Variants in LRRC9 observed in about 807,000 individuals in gnomAD.
LRRC9 encodes leucine-rich repeat-containing protein 9.
LRRC9 carries 122 observed loss-of-function variants against 63.2 expected under a neutral mutation model. The observed-to-expected ratio is 1.93, with a 90% CI of 1.67 to 2.24. LRRC9 has a LOEUF of 2.24. Ranked by LOEUF, LRRC9 falls within the 30% of genes most tolerant of loss-of-function variation. The pLI is 0.00. For synonymous variants in LRRC9, 366 were observed against 213.1 expected (o/e 1.72, Z -6.25); for missense variants, 1,071 against 627.7 (o/e 1.71, Z -7.55).
At position 60,031,311 on chromosome 14, in the gene LRRC9, A is replaced by T. The variant is rs1240606945; in HGVS notation, c.3922-684A>T. ...GCTATATGTCCACTTGTAATTCCAC[A>T]AAGGAATACAGGCATGTCAATAACT... On this transcript the variant is annotated intron_variant, in intron 28 of 31. Transcript: ENST00000445360. This position sits in a 1 kb window ranked among gnomAD's most constrained non-coding sequence, Gnocchi z 4.6. Among the ~76,000 whole-genome samples, 4 of 152,110 alleles carry T rather than the reference A, an allele frequency of 2.6e-5. No individual in the cohort carries two copies. The highest frequency in any genetic ancestry group is 4.8e-5 in the African/African-American group (2 of 41,454).
intron 29 of LRRC9, among the ~76,000 whole-genome samples, chr14:60,047,030 G>A (rs566557198): frequency 6.6e-6 from 1 of 152,092 alleles, no homozygotes; most frequent in East Asian, 1.9e-4. Context: ...ATTGTGATTG[G>A]GAGTTCCATT....
At chr14:60,028,578 T>C (rs765537847) in intron 28 of LRRC9, among the ~76,000 whole-genome samples, 2 of 152,154 alleles carry the variant, frequency 1.3e-5, no homozygotes, top group African/African-American at 2.4e-5. Context: ...TAGTTTTACC[T>C]GCTTAGAATT....
At chr14:59,989,410 T>A (rs1887819009) in intron 17 of LRRC9, among the ~76,000 whole-genome samples, 1 of 152,122 alleles carries the variant, frequency 6.6e-6, no homozygotes, top group African/African-American at 2.4e-5. Context: ...CTTAAAAGTG[T>A]TATCTATTTT....
chr14:59,949,351 G>T (rs1882838133), intron 8 of LRRC9, among the ~76,000 whole-genome samples: 1 of 151,926 alleles, frequency 6.6e-6, no homozygotes, highest in Non-Finnish European at 1.5e-5. Context: ...GATCGGTGAT[G>T]ATATCCCCTT....
chr14:60,018,440 T>TA lies in LRRC9; in HGVS notation c.3388dup (p.Thr1130AsnfsTer11), dbSNP rs1890868500. ...ATGTGAATCTACAGAACAATCATCT[T>TA]ACCTCATTCAGTGGATTAATCTATC... On this transcript the variant is annotated frameshift_variant, in exon 25 of 32. Coordinates refer to ENST00000445360, the Ensembl canonical transcript of LRRC9. LOFTEE classifies it high-confidence loss of function. The TA allele has an allele frequency of 1.4e-6, 1 of 700,282 alleles. No homozygotes were observed. Among genetic ancestry groups the TA allele is most frequent in the African/African-American group, 1.8e-5 (1 of 57,138 alleles). The allele number at this position is 700,282 out of a possible 1,614,324, so 43.4% of individuals were successfully genotyped here.
At chr14:59,967,270 G>A (rs780554616) in intron 12 of LRRC9, 57 bp downstream of exon 12, 25 of 513,040 alleles carry the variant, frequency 4.9e-5, no homozygotes, top group African/African-American at 2.6e-4. Flanking sequence ...GAGCTCTGCC[G>A]CTGGTTAAGC....
intron 29 of LRRC9, among the ~76,000 whole-genome samples, chr14:60,043,756 C>CTTTTTTTTTTTTT (rs368065898): frequency 2.8e-5 from 2 of 71,574 alleles, no homozygotes; most frequent in African/African-American, 5.7e-5. Context: ...TTTTCTTTTC[C>CTTTTTTTTTTTTT]TTTTTTTTTT....
chr14:60,065,440 G>C (rs551463900), downstream of LRRC9, among the ~76,000 whole-genome samples: 40 of 148,046 alleles, frequency 2.7e-4, no homozygotes, highest in South Asian at 8.0e-3. Flanking sequence ...CTGAGGTCAG[G>C]AGTTCAAGAC....
At chr14:60,037,749 G>A (rs1479817955) in intron 29 of LRRC9, among the ~76,000 whole-genome samples, 2 of 152,146 alleles carry the variant, frequency 1.3e-5, no homozygotes, top group African/African-American at 4.8e-5. Flanking sequence ...TTCTTTCGCT[G>A]TGCAGAAGCT....
chr14:60,065,674 A>G (rs898353778), downstream of LRRC9, among the ~76,000 whole-genome samples: 21 of 144,858 alleles, frequency 1.4e-4, 1 homozygote, highest in African/African-American at 5.2e-4. Flanking sequence ...AAACTGTAAA[A>G]GAGAGTAAAC....
intron 12 of LRRC9, among the ~76,000 whole-genome samples, chr14:59,970,463 G>C (rs1885362943): frequency 6.6e-6 from 1 of 152,056 alleles, no homozygotes; most frequent in Non-Finnish European, 1.5e-5. Flanking sequence ...GGGATTGCTG[G>C]GTCAAATGGT....
At position 59,977,165 on chromosome 14, in the gene LRRC9, T is replaced by G; in HGVS notation, c.1640-60T>G. The G allele has an allele frequency of 4.8e-6, 3 of 629,050 alleles. No individual in the cohort carries two copies. In the East Asian group the frequency reaches 8.2e-5, roughly 17 times the overall value. 39.0% of individuals were successfully genotyped at this position (629,050 alleles called of 1,614,324 possible). On this transcript the variant is annotated intron_variant, in intron 13 of 31. Transcript: ENST00000445360. ...AGTCTTGGGCCAATAAAGAAGGTTA[T>G]GTTGGAAAATTATTAAAGTTAATTA...
At position 59,962,655 on chromosome 14, in the gene LRRC9, G is replaced by A. The variant is rs943122433; in HGVS notation, c.1211+1610G>A. Among the ~76,000 whole-genome samples the A allele has an allele frequency of 2.0e-5, 3 of 151,960 alleles. No individual in the cohort carries two copies. Among genetic ancestry groups the A allele is most frequent in the African/African-American group, 7.3e-5 (3 of 41,372 alleles). On this transcript the variant is annotated intron_variant, in intron 10 of 31. Coordinates refer to ENST00000445360, the Ensembl canonical transcript of LRRC9. The surrounding 1 kb of genome is among the most constrained non-coding windows in gnomAD (Gnocchi z 5.1). ...TGGCCTCAAGTGATCTTCCCACCTC[G>A]GCCTCCCAAAGTGCTGAGATCACAG...
intron 30 of LRRC9, chr14:60,054,110 CCATA>C (rs1894099486): frequency 6.4e-6 from 2 of 310,080 alleles, no homozygotes; most frequent in African/African-American, 4.4e-5. Context: ...GATAGGACTA[CCATA>C]CATACTCTCC....
Position 60,004,216 on chromosome 14 carries a change from C to T in LRRC9, c.2842+418C>T, listed in dbSNP as rs1396524214. Among the ~76,000 whole-genome samples, 3 of 152,124 alleles carry T rather than the reference C, an allele frequency of 2.0e-5. No individual in the cohort carries two copies. Among genetic ancestry groups the T allele is most frequent in the Non-Finnish European group, 4.4e-5 (3 of 68,012 alleles). On this transcript the variant is annotated intron_variant, in intron 21 of 31. Transcript: ENST00000445360. The surrounding 1 kb of genome is among the most constrained non-coding windows in gnomAD (Gnocchi z 4.8). ...TATAATCTGTTACCAAACATTAGCA[C>T]ATACCAACTAGTTAGTCATTAATGT...
At chr14:60,013,024 A>G (rs941271933) in intron 23 of LRRC9, among the ~76,000 whole-genome samples, 1 of 151,516 alleles carries the variant, frequency 6.6e-6, no homozygotes, top group African/African-American at 2.4e-5. Context: ...TTCGTTACAT[A>G]TGTATACATG....
In LRRC9 at chr14:59,962,476, T is replaced by C. The variant is rs1473012939; in HGVS notation, c.1211+1431T>C. On this transcript the variant is annotated intron_variant, in intron 10 of 31. Coordinates refer to ENST00000445360, the Ensembl canonical transcript of LRRC9. The surrounding 1 kb of genome is among the most constrained non-coding windows in gnomAD (Gnocchi z 5.1). ...TGGAGTGCAGTGGCCCGATCTCAGC[T>C]CGCTGCAACCTCTGCCTCCCAGGTT... Among the ~76,000 whole-genome samples the C allele has an allele frequency of 1.3e-5, 2 of 151,700 alleles. No individual in the cohort carries two copies. The highest frequency in any genetic ancestry group is 2.4e-5 in the African/African-American group (1 of 41,226).
At chr14:60,037,652 G>C (rs1892562938) in intron 29 of LRRC9, among the ~76,000 whole-genome samples, 1 of 152,170 alleles carries the variant, frequency 6.6e-6, no homozygotes, top group Admixed American at 6.6e-5. Flanking sequence ...GTTCTTTGTA[G>C]ATTCTGGATA....
chr14:59,973,651 A>C (rs1023472013), intron 12 of LRRC9: 2 of 152,076 alleles, frequency 1.3e-5, no homozygotes, highest in African/African-American at 4.8e-5. Flanking sequence ...GTTATACTGC[A>C]TTGTTTGCTA....
Sources: gnomAD v4.1 joint callset for allele counts (sites outside exome capture counted in the v4.1 genomes callset) on GRCh38, gnomAD v4.1.1 for gene constraint, Gnocchi (gnomAD v3.1) non-coding constraint, MANE v1.5 for transcripts, NCBI Gene and HGNC (gene_info 2026-07-23, HGNC 2026-07-21) for gene names.